FHOD3: variants seen among roughly 807,000 people sequenced by gnomAD.
FHOD3 encodes the protein FH1/FH2 domain-containing protein 3.
A neutral mutation model predicts 173.0 loss-of-function variants in FHOD3; 90 were observed. That is an observed-to-expected ratio of 0.52 (90% CI 0.44 to 0.62). The LOEUF (loss-of-function observed/expected upper bound fraction) is 0.62, where lower values mean the gene tolerates loss of function less well. FHOD3 is among the 20% of genes least tolerant of loss of function. The probability of loss-of-function intolerance (pLI) is 0.00; values close to 1 mark genes in which losing one functional copy is unlikely to be tolerated. For synonymous variants in FHOD3, 828 were observed against 823.0 expected (o/e 1.01, Z -0.10); for missense variants, 1,945 against 2,034.7 (o/e 0.96, Z 0.85).
chr18:36,644,755 G>T (rs1406149590), intron 10 of FHOD3, among the ~76,000 whole-genome samples: 1 of 152,182 alleles, frequency 6.6e-6, no homozygotes, highest in African/African-American at 2.4e-5. Flanking sequence ...TCCTCCTAGG[G>T]GATAGGTACT....
At chr18:36,373,804 T>C (rs978424778) in intron 3 of FHOD3, among the ~76,000 whole-genome samples, 3 of 152,226 alleles carry the variant, frequency 2.0e-5, no homozygotes, top group Non-Finnish European at 2.9e-5. Flanking sequence ...CTGTACAATG[T>C]ATATGGGCAC....
At chr18:36,539,769 C>G (rs1035159004) in intron 5 of FHOD3, among the ~76,000 whole-genome samples, 6 of 152,146 alleles carry the variant, frequency 3.9e-5, no homozygotes, top group Non-Finnish European at 8.8e-5. Flanking sequence ...AGTATGATTT[C>G]TAGAGTAGGA....
intron 3 of FHOD3, among the ~76,000 whole-genome samples, chr18:36,422,960 A>C (rs1403943932): frequency 3.3e-5 from 5 of 152,112 alleles, no homozygotes; most frequent in Non-Finnish European, 7.4e-5. Context: ...ACCTCCCAGC[A>C]AGAGGTTGAG....
chr18:36,527,039 T>A (rs2146734479), intron 5 of FHOD3, among the ~76,000 whole-genome samples: 1 of 152,308 alleles, frequency 6.6e-6, no homozygotes, highest in South Asian at 2.1e-4. Context: ...TTTTCCCACC[T>A]TCTTGGACAA....
chr18:36,625,945 T>G (rs535891390), intron 10 of FHOD3, among the ~76,000 whole-genome samples, 196 bp downstream of exon 10: 149 of 152,292 alleles, frequency 9.8e-4, no homozygotes, highest in Non-Finnish European at 1.9e-3. Flanking sequence ...TGGCGACTTT[T>G]ACAGACTTCA....
intron 5 of FHOD3, among the ~76,000 whole-genome samples, chr18:36,571,380 C>T (rs1051985230): frequency 3.9e-5 from 6 of 151,940 alleles, no homozygotes; most frequent in African/African-American, 7.3e-5. Flanking sequence ...AAGCAATCTG[C>T]GAAGATGTAT....
At chr18:36,673,342 G>A (rs976243253) in intron 14 of FHOD3, among the ~76,000 whole-genome samples, 1 of 152,156 alleles carries the variant, frequency 6.6e-6, no homozygotes, top group African/African-American at 2.4e-5. Flanking sequence ...GTTTATTTCC[G>A]AATCTAAGAA....
chr18:36,657,678 T>G (rs2036514032), intron 13 of FHOD3, among the ~76,000 whole-genome samples: 1 of 152,244 alleles, frequency 6.6e-6, no homozygotes. Flanking sequence ...ATATGGTATT[T>G]CTTACAGACC....
chr18:36,500,123 G>A (rs982818286), intron 3 of FHOD3, among the ~76,000 whole-genome samples: 1 of 152,242 alleles, frequency 6.6e-6, no homozygotes. Context: ...TTGGCAGACC[G>A]TGCAAAGGAT....
chr18:36,726,311 A>G (rs554631446), intron 19 of FHOD3, among the ~76,000 whole-genome samples: 32 of 152,310 alleles, frequency 2.1e-4, no homozygotes, highest in African/African-American at 6.3e-4. Flanking sequence ...TTCTTCAGGT[A>G]GAAGATACAA....
chr18:36,543,175 C>T (rs1192499734), intron 5 of FHOD3, among the ~76,000 whole-genome samples: 1 of 152,154 alleles, frequency 6.6e-6, no homozygotes, highest in African/African-American at 2.4e-5. Flanking sequence ...AGCCTGCCAG[C>T]CTACCCTGCA....
At chr18:36,645,269 A>G (rs2035600233) in intron 10 of FHOD3, among the ~76,000 whole-genome samples, 1 of 152,096 alleles carries the variant, frequency 6.6e-6, no homozygotes, top group Non-Finnish European at 1.5e-5. Context: ...AAAAATACAA[A>G]AATATTCATC....
At chr18:36,542,189 T>C (rs773659293) in intron 5 of FHOD3, among the ~76,000 whole-genome samples, 9 of 152,192 alleles carry the variant, frequency 5.9e-5, no homozygotes, top group Non-Finnish European at 4.4e-5. Context: ...TGTCTTTTTA[T>C]GAAGGCAGAT....
chr18:36,444,365 T>A (rs1240710910), intron 3 of FHOD3, among the ~76,000 whole-genome samples: 2 of 152,146 alleles, frequency 1.3e-5, no homozygotes, highest in African/African-American at 4.8e-5. Flanking sequence ...GTATGTTACT[T>A]CTCATACTCC....
chr18:36,684,156 G>T (rs1206795023), intron 15 of FHOD3, among the ~76,000 whole-genome samples: 2 of 152,140 alleles, frequency 1.3e-5, no homozygotes, highest in East Asian at 3.8e-4. Context: ...ATTAATATTG[G>T]AACCAATGTC....
intron 1 of FHOD3, among the ~76,000 whole-genome samples, chr18:36,338,652 C>T (rs766165455): frequency 6.6e-6 from 1 of 152,132 alleles, no homozygotes; most frequent in South Asian, 2.1e-4. Flanking sequence ...TGGAATGACT[C>T]GTGAGTTCTG....
At chr18:36,469,062 G>T (rs897787733) in intron 3 of FHOD3, among the ~76,000 whole-genome samples, 9 of 152,144 alleles carry the variant, frequency 5.9e-5, no homozygotes, top group Non-Finnish European at 1.0e-4. Context: ...TGATTAGGAA[G>T]TTTCCCTTGC....
chr18:36,496,523 G>A (rs1210194385), intron 3 of FHOD3, among the ~76,000 whole-genome samples: 5 of 152,164 alleles, frequency 3.3e-5, no homozygotes, highest in Non-Finnish European at 5.9e-5. Flanking sequence ...TGGTACCACT[G>A]TTTTAAACAT....
intron 25 of FHOD3, among the ~76,000 whole-genome samples, chr18:36,756,930 G>T (rs972775048): frequency 6.6e-6 from 1 of 152,256 alleles, no homozygotes; most frequent in South Asian, 2.1e-4. Flanking sequence ...AGCAACCCAG[G>T]AAGCATGTTG....
Sources: gnomAD v4.1 joint callset for allele counts (sites outside exome capture counted in the v4.1 genomes callset) on GRCh38, gnomAD v4.1.1 for gene constraint, MANE v1.5 for transcripts, NCBI Gene and HGNC (gene_info 2026-07-23, HGNC 2026-07-21) for gene names.